The following TNR variants were observed in gnomAD, a reference collection of about 807,000 sequenced individuals.
The protein encoded by TNR is tenascin R.
In TNR, 45 loss-of-function variants were observed where a neutral mutation model predicts 150.4. The ratio of observed to expected loss-of-function variants is 0.30; its 90% CI spans 0.24 to 0.38. The LOEUF is 0.38. TNR is among the 10% of genes least tolerant of loss of function. The pLI is 1.00. For synonymous variants in TNR, 687 were observed against 678.4 expected (o/e 1.01, Z -0.20); for missense variants, 1,544 against 1,759.1 (o/e 0.88, Z 2.19).
At chr1:175,535,841 C>T (rs1248381644) in intron 1 of TNR, among the ~76,000 whole-genome samples, 1 of 152,070 alleles carries the variant, frequency 6.6e-6, no homozygotes, top group African/African-American at 2.4e-5. Flanking sequence ...TGAACTTATA[C>T]GGAAAAAACT....
rs183246139 is a variant in TNR at position 175,712,072 on chromosome 1, T to A, written c.-165+31154A>T. ...TAAAAACTACTCTCCCCTCTTCTCA[T>A]CACTGCCATCATCTCTACCCCACTA... On this transcript the variant is annotated intron_variant, in intron 1 of 22. Transcript: ENST00000367674. 4.6e-5 allele frequency among the ~76,000 whole-genome samples: 7 copies of A among 152,320 alleles called. No homozygotes were observed. In the South Asian group the frequency reaches 8.3e-4, roughly 18 times the overall value.
intron 8 of TNR, among the ~76,000 whole-genome samples, chr1:175,380,872 G>A (rs774358765): frequency 1.3e-5 from 2 of 152,222 alleles, no homozygotes; most frequent in Admixed American, 6.5e-5. Context: ...GCCATTCATT[G>A]TGAGAAAACC....
At chr1:175,635,756 C>T (rs1444430737) in intron 1 of TNR, among the ~76,000 whole-genome samples, 1 of 152,160 alleles carries the variant, frequency 6.6e-6, no homozygotes, top group Non-Finnish European at 1.5e-5. Flanking sequence ...AACAATAGCA[C>T]ACATTCATCT....
intron 1 of TNR, among the ~76,000 whole-genome samples, chr1:175,539,481 G>A (rs762665342): frequency 2.0e-5 from 3 of 152,196 alleles, no homozygotes; most frequent in Non-Finnish European, 2.9e-5. Flanking sequence ...AGATGAAGAC[G>A]GAAGTGTCAA....
intron 2 of TNR, among the ~76,000 whole-genome samples, chr1:175,493,299 A>G (rs925836840): frequency 2.6e-5 from 4 of 152,224 alleles, no homozygotes; most frequent in Non-Finnish European, 1.5e-5. Context: ...GAAAGGGAAC[A>G]GAAAGGTGAA....
At chr1:175,719,032 G>T (rs1007478783) in intron 1 of TNR, among the ~76,000 whole-genome samples, 1 of 152,138 alleles carries the variant, frequency 6.6e-6, no homozygotes, top group African/African-American at 2.4e-5. Flanking sequence ...GTCCCCAGTG[G>T]CCATCCAGGC....
intron 1 of TNR, among the ~76,000 whole-genome samples, chr1:175,693,775 G>C (rs1017557074): frequency 6.6e-6 from 1 of 152,204 alleles, no homozygotes; most frequent in Admixed American, 6.5e-5. Flanking sequence ...GTGTATACAT[G>C]CATGAAATGG....
intron 1 of TNR, among the ~76,000 whole-genome samples, chr1:175,619,473 G>A (rs1310858692): frequency 1.3e-5 from 2 of 152,156 alleles, no homozygotes; most frequent in Non-Finnish European, 2.9e-5. Context: ...CCCACCTGAT[G>A]TATTGAGTAG....
intron 18 of TNR, among the ~76,000 whole-genome samples, chr1:175,339,408 C>T (rs1335911588): frequency 6.6e-6 from 1 of 152,230 alleles, no homozygotes; most frequent in Non-Finnish European, 1.5e-5. Context: ...GAAAAGCTAA[C>T]TGTCATCTGC....
intron 1 of TNR, among the ~76,000 whole-genome samples, chr1:175,730,052 T>A (rs1417574869): frequency 6.6e-6 from 1 of 152,178 alleles, no homozygotes; most frequent in Non-Finnish European, 1.5e-5. Context: ...ATTCTCCCCA[T>A]GAGTATCCTG....
chr1:175,683,226 A>G (rs1666093032), intron 1 of TNR, among the ~76,000 whole-genome samples: 1 of 152,110 alleles, frequency 6.6e-6, no homozygotes, highest in Non-Finnish European at 1.5e-5. Context: ...CAACACACAC[A>G]CAGCTTATTT....
chr1:175,416,780 G>A lies in TNR; in HGVS notation c.-63-10003C>T, dbSNP rs150034619. 4.0e-3 allele frequency among the ~76,000 whole-genome samples: 614 copies of A among 152,202 alleles called. 5 individuals carry two copies. Among genetic ancestry groups the A allele is most frequent in the African/African-American group, 0.014 (592 of 41,500 alleles). On this transcript the variant is annotated intron_variant, in intron 2 of 22. Coordinates refer to ENST00000367674, the MANE Select transcript of TNR (RefSeq NM_003285.3). The stretch of plus-strand genomic sequence containing the variant: ...TCCCAGCACTTTGGGAGGCCAAGAC[G>A]GGCGGATCACGACGTCAGGAGATCG...
intron 1 of TNR, among the ~76,000 whole-genome samples, chr1:175,573,122 C>T (rs1571624224): frequency 6.6e-6 from 1 of 152,214 alleles, no homozygotes; most frequent in South Asian, 2.1e-4. Context: ...CCTAAGCAGA[C>T]GTTGACCATA....
At chr1:175,338,662 G>A (rs571380508) in intron 18 of TNR, among the ~76,000 whole-genome samples, 4 of 152,268 alleles carry the variant, frequency 2.6e-5, no homozygotes, top group South Asian at 2.1e-4. Flanking sequence ...GGGACCGCAC[G>A]TGTCAGTTAC....
intron 19 of TNR, among the ~76,000 whole-genome samples, chr1:175,336,424 A>C (rs1394972029): frequency 6.6e-6 from 1 of 152,208 alleles, no homozygotes; most frequent in African/African-American, 2.4e-5. Flanking sequence ...TCACCATTCA[A>C]AACCTACCCA....
At chr1:175,671,961 GA>G (rs1203767749) in intron 1 of TNR, among the ~76,000 whole-genome samples, 2 of 151,126 alleles carry the variant, frequency 1.3e-5, no homozygotes, top group Admixed American at 1.3e-4. Context: ...TGGAGAGGGG[GA>G]AAGGAATACC....
chr1:175,462,439 A>G (rs1656861151), intron 2 of TNR, among the ~76,000 whole-genome samples: 1 of 152,236 alleles, frequency 6.6e-6, no homozygotes. Flanking sequence ...TCTTTGGTTC[A>G]AACAAGCTGT....
Position 175,362,734 on chromosome 1 carries a change from T to G in TNR, c.2783A>C (p.Glu928Ala). The G allele has an allele frequency of 6.2e-7, 1 of 1,614,148 alleles. No individual in the cohort carries two copies. The highest frequency in any genetic ancestry group is 2.2e-5 in the East Asian group (1 of 44,872). Residue 928 changes from glutamate to alanine, a missense_variant, in exon 14 of 23, where the codon GAA (glutamate) becomes GCA (alanine). Transcript: ENST00000367674. Reference sequence around the variant, plus strand: ...CACGCTGTTGAGGCTGATTTCGTATTCGGTAGCTGGGTTCAGTCTGGTGAT... The same window carrying G: ...CACGCTGTTGAGGCTGATTTCGTATGCGGTAGCTGGGTTCAGTCTGGTGAT... ...FTITRLNPAT[E>A]YEISLNSVRG...
intron 2 of TNR, among the ~76,000 whole-genome samples, chr1:175,417,075 G>GAAAGAAAT (rs754333098): frequency 0.013 from 1,785 of 137,804 alleles, 24 homozygotes; most frequent in Non-Finnish European, 0.018. Flanking sequence ...AAGAAAGAAA[G>GAAAGAAAT]AAATCTAAGA....
Sources: allele counts gnomAD v4.1 joint callset (sites outside exome capture counted in the v4.1 genomes callset), GRCh38; gene constraint gnomAD v4.1.1; transcripts MANE v1.5; gene names NCBI Gene and HGNC (gene_info 2026-07-23, HGNC 2026-07-21).